Variants in ACACA observed in about 807,000 individuals in gnomAD.
The protein encoded by ACACA is acetyl-CoA carboxylase 1.
A neutral mutation model predicts 296.1 loss-of-function variants in ACACA; 103 were observed. The observed-to-expected ratio is 0.35, with a 90% confidence interval of 0.30 to 0.41. The LOEUF is 0.41. Among genes scored for constraint, ACACA ranks in the 10% least tolerant of loss-of-function variants. The pLI is 1.00. For synonymous variants in ACACA, 953 were observed against 1,038.6 expected (o/e 0.92, Z 1.58); for missense variants, 1,554 against 2,989.7 (o/e 0.52, Z 11.20).
At chr17:37,120,635 C>T (rs149161107) in intron 50 of ACACA, among the ~76,000 whole-genome samples, 1 of 152,328 alleles carries the variant, frequency 6.6e-6, no homozygotes, top group African/African-American at 2.4e-5. Flanking sequence ...TACTCTCATA[C>T]CCTCCAGGTA....
chr17:37,131,569 G>A (rs2076191499), intron 45 of ACACA, among the ~76,000 whole-genome samples: 1 of 152,124 alleles, frequency 6.6e-6, no homozygotes, highest in African/African-American at 2.4e-5. Flanking sequence ...TCTCTGGGGA[G>A]AATCTAACTA....
chr17:37,344,315 T>C (rs2048517969), intron 1 of ACACA, among the ~76,000 whole-genome samples: 1 of 151,978 alleles, frequency 6.6e-6, no homozygotes, highest in African/African-American at 2.4e-5. Flanking sequence ...CACAGCACTT[T>C]GGGAGGATGA....
In ACACA at chr17:37,252,922, A is replaced by G. The variant is rs771826539; in HGVS notation, c.1941T>C (p.Thr647=). The G allele has an allele frequency of 2.5e-6, 4 of 1,614,250 alleles. No individual in the cohort carries two copies. Among genetic ancestry groups the G allele is most frequent in the Non-Finnish European group, 3.4e-6 (4 of 1,180,046 alleles). The change falls in exon 15 of 56, where the codon ACT becomes ACC. Residue 647 remains threonine (T), a synonymous_variant. Transcript: ENST00000616317. ...TESFQMNRID[T]GWLDRLIAEK... ...CTGCTATCAGTCTGTCCAGCCAGCC[A>G]GTATCAATTCTGTTCATCTGAAAGC...
chr17:37,183,657 T>C (rs1399387331), intron 39 of ACACA, among the ~76,000 whole-genome samples: 2 of 151,732 alleles, frequency 1.3e-5, no homozygotes, highest in Middle Eastern at 3.4e-3. Context: ...TGAAACCCCG[T>C]CTCTACTAAA....
chr17:37,206,849 A>G lies in ACACA; in HGVS notation c.3882T>C (p.Ser1294=). The G allele has an allele frequency of 6.2e-7, 1 of 1,613,780 alleles. No homozygotes were observed. Among genetic ancestry groups the G allele is most frequent in the East Asian group, 2.2e-5 (1 of 44,890 alleles). The stretch of plus-strand genomic sequence containing the variant: ...ATGTGGGACTCTGGGGTGGGGAGTC[A>G]GAGAAGCAGCCCATCACTTCATCAA... ...RIFDEVMGCF[S]DSPPQSPTFP... is the part of the protein sequence containing the mutation. Residue 1294 remains serine (S), a synonymous_variant, in exon 32 of 56, where the codon TCT becomes TCC. Transcript: ENST00000616317.
chr17:37,229,310 T>C (rs1351615386), intron 25 of ACACA, among the ~76,000 whole-genome samples: 1 of 152,120 alleles, frequency 6.6e-6, no homozygotes, highest in Non-Finnish European at 1.5e-5. Flanking sequence ...TGTTCTGTTT[T>C]GTTTTGTTTT....
At chr17:37,371,925 A>G (rs2049821471) in intron 1 of ACACA, among the ~76,000 whole-genome samples, 1 of 151,840 alleles carries the variant, frequency 6.6e-6, no homozygotes, top group Non-Finnish European at 1.5e-5. Context: ...AAAAGAAATA[A>G]AGAAATAAAA....
At chr17:37,273,870 G>A (rs1245240150) in intron 9 of ACACA, among the ~76,000 whole-genome samples, 1 of 152,142 alleles carries the variant, frequency 6.6e-6, no homozygotes, top group African/African-American at 2.4e-5. Context: ...ACTAACAGGT[G>A]GTAGAGAGAG....
At chr17:37,095,320 T>C (rs2072920760) in intron 54 of ACACA, among the ~76,000 whole-genome samples, 1 of 152,198 alleles carries the variant, frequency 6.6e-6, no homozygotes, top group Non-Finnish European at 1.5e-5. Context: ...ATTGTCTCAC[T>C]CAATTATGAT....
At chr17:37,147,316 G>A (rs2075853445) in intron 45 of ACACA, among the ~76,000 whole-genome samples, 1 of 152,126 alleles carries the variant, frequency 6.6e-6, no homozygotes, top group Non-Finnish European at 1.5e-5. Context: ...CACAGACAGA[G>A]AAAGAGGGGG....
chr17:37,350,103 T>TA (rs1380060714), intron 1 of ACACA, among the ~76,000 whole-genome samples: 1 of 151,796 alleles, frequency 6.6e-6, no homozygotes, highest in African/African-American at 2.4e-5. Context: ...GCTGAGGCAT[T>TA]ACGACTGCTC....
chr17:37,303,462 A>C (rs927663797), intron 3 of ACACA, among the ~76,000 whole-genome samples: 8 of 152,190 alleles, frequency 5.3e-5, no homozygotes, highest in African/African-American at 1.7e-4. Flanking sequence ...TTCATGTATA[A>C]ACTTTTATGT....
chr17:37,256,785 G>A (rs1183236121), intron 14 of ACACA, among the ~76,000 whole-genome samples: 1 of 151,962 alleles, frequency 6.6e-6, no homozygotes, highest in Non-Finnish European at 1.5e-5. Flanking sequence ...ATCAATAAGT[G>A]TTTATTAATA....
chr17:37,280,038 A>G (rs1235807274), intron 5 of ACACA, among the ~76,000 whole-genome samples: 1 of 152,176 alleles, frequency 6.6e-6, no homozygotes, highest in Non-Finnish European at 1.5e-5. Flanking sequence ...CAGATATGTT[A>G]CTAGCAATAA....
At chr17:37,145,054 G>A (rs1211285160) in intron 45 of ACACA, among the ~76,000 whole-genome samples, 1 of 152,126 alleles carries the variant, frequency 6.6e-6, no homozygotes, top group Non-Finnish European at 1.5e-5. Context: ...ACACATCAGT[G>A]TTCCTTTACA....
chr17:37,200,515 G>A (rs775412938), intron 33 of ACACA, 32 bp from the exon 34 acceptor site: 3 of 1,576,068 alleles, frequency 1.9e-6, no homozygotes, highest in Non-Finnish European at 1.7e-6. Flanking sequence ...ACAGAAGATA[G>A]ATGAGATTTC....
chr17:37,295,247 G>A (rs1317963738), intron 3 of ACACA, among the ~76,000 whole-genome samples: 2 of 152,152 alleles, frequency 1.3e-5, no homozygotes, highest in East Asian at 1.9e-4. Context: ...GTGTTTAGGT[G>A]CTGCCCACCA....
At chr17:37,179,642 C>T (rs2077245732) in intron 40 of ACACA, among the ~76,000 whole-genome samples, 1 of 152,148 alleles carries the variant, frequency 6.6e-6, no homozygotes, top group African/African-American at 2.4e-5. Flanking sequence ...GATTCCAAAT[C>T]AGCACCAGAG....
chr17:37,341,110 A>G (rs1030694126), intron 1 of ACACA, among the ~76,000 whole-genome samples: 27 of 152,162 alleles, frequency 1.8e-4, no homozygotes, highest in African/African-American at 5.1e-4. Flanking sequence ...AAGTTTAAAG[A>G]AGGTCATATG....
Sources: gnomAD v4.1 joint callset for allele counts (sites outside exome capture counted in the v4.1 genomes callset) on GRCh38, gnomAD v4.1.1 for gene constraint, MANE v1.5 for transcripts, NCBI Gene and HGNC (gene_info 2026-07-23, HGNC 2026-07-21) for gene names.